The following PCDH15 variants were observed in gnomAD, a reference collection of about 807,000 sequenced individuals.
PCDH15 encodes the protein protocadherin related 15.
In PCDH15, 129 loss-of-function variants were observed where a neutral mutation model predicts 178.5. The ratio of observed to expected loss-of-function variants is 0.72; its 90% CI spans 0.63 to 0.84. The LOEUF is 0.84. Ranked by LOEUF, PCDH15 falls within the 40% of genes least tolerant of loss-of-function variation. The probability of loss-of-function intolerance (pLI) is 0.00; values close to 1 mark genes in which losing one functional copy is unlikely to be tolerated. For synonymous variants in PCDH15, 800 were observed against 732.0 expected, an observed-to-expected ratio of 1.09 and a Z score of -1.50; for missense variants, 2,230 against 2,099.9, an observed-to-expected ratio of 1.06 and a Z score of -1.21.
intron 8 of PCDH15, among the ~76,000 whole-genome samples, chr10:54,244,651 T>C (rs190721645): frequency 4.6e-5 from 7 of 152,340 alleles, no homozygotes; most frequent in African/African-American, 1.4e-4. Context: ...AAATATTTCT[T>C]ACAACCCTTT....
At chr10:53,828,664 T>C in intron 30 of PCDH15, 91 bp from the exon 31 acceptor site, 1 of 1,075,580 alleles carries the variant, frequency 9.3e-7, no homozygotes, top group Non-Finnish European at 1.4e-6. Context: ...TTCTAAATCA[T>C]GAATAATTTA....
chr10:54,688,481 A>G (rs2095056322), intron 1 of PCDH15, among the ~76,000 whole-genome samples: 1 of 152,136 alleles, frequency 6.6e-6, no homozygotes, highest in Non-Finnish European at 1.5e-5. Flanking sequence ...AATATAAACA[A>G]TAAATTTCCG....
At chr10:55,007,027 C>G (rs991713631) in intron 2 of PCDH15, among the ~76,000 whole-genome samples, 1 of 152,086 alleles carries the variant, frequency 6.6e-6, no homozygotes, top group Non-Finnish European at 1.5e-5. Flanking sequence ...CACCCACAAG[C>G]ATCTCTCTCT....
At chr10:55,107,477 C>T (rs1445452265) in intron 2 of PCDH15, among the ~76,000 whole-genome samples, 1 of 144,464 alleles carries the variant, frequency 6.9e-6, no homozygotes, top group African/African-American at 2.6e-5. Context: ...TTACTGTATT[C>T]TCTTTCCTTT....
At chr10:55,318,209 GA>G (rs962087244) in intron 1 of PCDH15, among the ~76,000 whole-genome samples, 3 of 152,016 alleles carry the variant, frequency 2.0e-5, no homozygotes, top group East Asian at 3.9e-4. Context: ...AAAAGTTTAT[GA>G]AAAAAACACA....
intron 2 of PCDH15, among the ~76,000 whole-genome samples, chr10:54,633,242 A>G (rs375267562): frequency 1.3e-5 from 2 of 152,214 alleles, no homozygotes; most frequent in South Asian, 2.1e-4. Flanking sequence ...TTAAAGAGTA[A>G]AGGGGCATCC....
At position 54,645,762 on chromosome 10, in the gene PCDH15, G is replaced by C. The variant is rs545933990; in HGVS notation, c.91+18410C>G. 5.3e-5 allele frequency among the ~76,000 whole-genome samples: 8 copies of C among 152,254 alleles called. No individual in the cohort carries two copies. In the South Asian group the frequency reaches 1.7e-3, roughly 32 times the overall value. ...AAAACATTAAGGAATATTGATTAAT[G>C]ATGAAGAAACATTAAATATGCTTTA... On this transcript the variant is annotated intron_variant, in intron 2 of 37. Transcript: ENST00000644397.
At chr10:54,731,167 T>A (rs2132650959) in intron 1 of PCDH15, among the ~76,000 whole-genome samples, 1 of 151,446 alleles carries the variant, frequency 6.6e-6, no homozygotes, top group East Asian at 2.0e-4. Flanking sequence ...GAAAAATTGT[T>A]CAACATCACT....
intron 2 of PCDH15, chr10:54,568,751 T>C (rs1201498569): frequency 6.6e-6 from 1 of 152,154 alleles, no homozygotes; most frequent in Non-Finnish European, 1.5e-5. Context: ...ATATCAAGTT[T>C]ATGCTACATG....
chr10:54,540,035 T>C (rs1447847407), intron 2 of PCDH15, among the ~76,000 whole-genome samples: 2 of 152,142 alleles, frequency 1.3e-5, no homozygotes, highest in Non-Finnish European at 2.9e-5. Flanking sequence ...GCTAAATGCC[T>C]ACCTTAAAAA....
chr10:55,520,034 C>T (rs767318825), intron 2 of PCDH15, among the ~76,000 whole-genome samples: 1 of 139,656 alleles, frequency 7.2e-6, no homozygotes, highest in Non-Finnish European at 1.5e-5. Context: ...TATATATATG[C>T]CATATATATA....
At chr10:55,495,938 T>G (rs1008140111) in intron 2 of PCDH15, among the ~76,000 whole-genome samples, 4 of 151,862 alleles carry the variant, frequency 2.6e-5, no homozygotes, top group African/African-American at 9.7e-5. Context: ...TATCATAGGA[T>G]TCTATTTTTA....
intron 13 of PCDH15, among the ~76,000 whole-genome samples, chr10:54,178,862 A>G (rs1015109328): frequency 2.6e-4 from 40 of 152,272 alleles, no homozygotes; most frequent in African/African-American, 9.1e-4. Context: ...TCAAAACCAC[A>G]ATGAGATACC....
chr10:54,905,253 A>G (rs1342626972), intron 2 of PCDH15, among the ~76,000 whole-genome samples: 1 of 152,130 alleles, frequency 6.6e-6, no homozygotes, highest in Non-Finnish European at 1.5e-5. Flanking sequence ...GGGATTAATA[A>G]TAATAATTAT....
At chr10:53,807,828 A>G (rs923100799) in intron 37 of PCDH15, among the ~76,000 whole-genome samples, 2 of 152,142 alleles carry the variant, frequency 1.3e-5, no homozygotes, top group East Asian at 1.9e-4. Flanking sequence ...ATTATACTAA[A>G]CTTTCCTTTT....
intron 2 of PCDH15, among the ~76,000 whole-genome samples, chr10:54,596,739 A>C (rs1467214874): frequency 1.3e-5 from 2 of 152,164 alleles, no homozygotes; most frequent in Non-Finnish European, 2.9e-5. Context: ...GAATCAAATA[A>C]AGGAATGGAA....
At chr10:55,307,762 T>G (rs1843470086) in intron 1 of PCDH15, among the ~76,000 whole-genome samples, 1 of 151,964 alleles carries the variant, frequency 6.6e-6, no homozygotes, top group Admixed American at 6.6e-5. Flanking sequence ...TAAAAATTTA[T>G]TCTTCCTCAG....
At position 53,999,952 on chromosome 10, in the gene PCDH15, C is replaced by T. The variant is rs561320970; in HGVS notation, c.2752-4187G>A. The stretch of plus-strand genomic sequence containing the variant: ...ACTGCAGTCCCAGCAGTGGGGTCCA[C>T]AGGGGTGCTTGTGTCACCCCAACCC... On this transcript the variant is annotated intron_variant, in intron 20 of 37. Transcript: ENST00000644397. Among the ~76,000 whole-genome samples the T allele has an allele frequency of 6.6e-5, 10 of 152,294 alleles. 1 individual carries two copies. The highest frequency in any genetic ancestry group is 6.2e-4 in the South Asian group (3 of 4,830).
chr10:54,840,895 T>C (rs1009555693), intron 3 of PCDH15, among the ~76,000 whole-genome samples: 1 of 151,718 alleles, frequency 6.6e-6, no homozygotes, highest in Non-Finnish European at 1.5e-5. Context: ...TGTAAATATA[T>C]ATGCACCCAA....
Sources: gnomAD v4.1 joint callset for allele counts (sites outside exome capture counted in the v4.1 genomes callset) on GRCh38, gnomAD v4.1.1 for gene constraint, MANE v1.5 for transcripts, NCBI Gene and HGNC (gene_info 2026-07-23, HGNC 2026-07-21) for gene names.